Variants in MEOX2 observed in about 807,000 individuals in gnomAD.
MEOX2 encodes mesenchyme homeobox 2, also known as homeobox protein MOX-2.
A neutral mutation model predicts 27.0 loss-of-function variants in MEOX2; 11 were observed. That is an observed-to-expected ratio of 0.41 (90% confidence interval 0.26 to 0.68). The LOEUF (loss-of-function observed/expected upper bound fraction) is 0.68, where lower values mean the gene tolerates loss of function less well. MEOX2 is among the 30% of genes least tolerant of loss of function. The pLI is 0.33. For missense variants in MEOX2, 436 were observed against 385.4 expected, an observed-to-expected ratio of 1.13 and a Z score of -1.10; for synonymous variants, 189 against 155.4, an observed-to-expected ratio of 1.22 and a Z score of -1.61.
At chr7:15,658,363 G>T (rs992942644) in intron 1 of MEOX2, among the ~76,000 whole-genome samples, 3 of 152,136 alleles carry the variant, frequency 2.0e-5, no homozygotes. Context: ...TTTTTCCTAC[G>T]GTGTTTGACT....
At chr7:15,663,948 C>T (rs1781957053) in intron 1 of MEOX2, among the ~76,000 whole-genome samples, 1 of 152,088 alleles carries the variant, frequency 6.6e-6, no homozygotes, top group African/African-American at 2.4e-5. Flanking sequence ...GATAGACAGA[C>T]AGATAGATGA....
At chr7:15,642,727 T>C (rs577378690) in intron 1 of MEOX2, among the ~76,000 whole-genome samples, 19 of 152,356 alleles carry the variant, frequency 1.2e-4, no homozygotes, top group African/African-American at 4.1e-4. Context: ...CCTTCTTATC[T>C]GCAGAAGCTA....
At chr7:15,612,711 G>A in intron 2 of MEOX2, 100 bp from the exon 3 acceptor site, 1 of 915,502 alleles carries the variant, frequency 1.1e-6, no homozygotes, top group Non-Finnish European at 1.7e-6. Context: ...TTCCTCAAAG[G>A]CTTATACAAA....
intron 2 of MEOX2, among the ~76,000 whole-genome samples, chr7:15,618,152 A>T (rs1315377847): frequency 6.6e-6 from 1 of 151,950 alleles, no homozygotes; most frequent in Non-Finnish European, 1.5e-5. Context: ...GTTTTCCTTT[A>T]TACCTGGTAA....
In MEOX2 at chr7:15,685,598, A is replaced by G. The variant is rs557459383; in HGVS notation, c.517+288T>C. Among the ~76,000 whole-genome samples, 31 of 152,172 alleles carry G rather than the reference A, an allele frequency of 2.0e-4. 1 individual carries two copies. Among genetic ancestry groups the G allele is most frequent in the South Asian group, 4.1e-4 (2 of 4,826 alleles). ...CTGGGATGGAAGGTCACGCTTCACA[A>G]TCGATTTCACAGCCACTTGTCCTTT... On this transcript the variant is annotated intron_variant, in intron 1 of 2. Transcript: ENST00000262041.
chr7:15,655,081 A>T (rs905237461), intron 1 of MEOX2, among the ~76,000 whole-genome samples: 5 of 151,574 alleles, frequency 3.3e-5, no homozygotes, highest in South Asian at 2.1e-4. Flanking sequence ...CTATTCAAAA[A>T]TTTTTTTCAT....
chr7:15,617,269 C>A (rs1186083258), intron 2 of MEOX2, among the ~76,000 whole-genome samples: 1 of 151,982 alleles, frequency 6.6e-6, no homozygotes, highest in Non-Finnish European at 1.5e-5. Context: ...TTTATCTGGG[C>A]ACTTGGAATA....
At chr7:15,683,373 T>A (rs1266202593) in intron 1 of MEOX2, among the ~76,000 whole-genome samples, 2 of 152,066 alleles carry the variant, frequency 1.3e-5, no homozygotes, top group African/African-American at 4.8e-5. Flanking sequence ...TCTCACTATA[T>A]AGGATGACAT....
intron 1 of MEOX2, among the ~76,000 whole-genome samples, chr7:15,682,453 T>C (rs1391731702): frequency 2.6e-5 from 4 of 151,936 alleles, no homozygotes; most frequent in Non-Finnish European, 4.4e-5. Flanking sequence ...TTTTATGACA[T>C]AGTAGCTATA....
intron 1 of MEOX2, among the ~76,000 whole-genome samples, chr7:15,678,313 C>A (rs553822457): frequency 2.0e-5 from 3 of 152,286 alleles, no homozygotes; most frequent in Admixed American, 6.5e-5. Context: ...CCAACCTATG[C>A]AGTGAGTGCT....
chr7:15,677,581 G>T (rs897880051), intron 1 of MEOX2: 1 of 152,234 alleles, frequency 6.6e-6, no homozygotes, highest in Non-Finnish European at 1.5e-5. Flanking sequence ...GACATGAGCT[G>T]CAATCCTCCA....
chr7:15,669,364 C>G (rs1351365892), intron 1 of MEOX2, among the ~76,000 whole-genome samples: 2 of 152,216 alleles, frequency 1.3e-5, no homozygotes, highest in Admixed American at 1.3e-4. Flanking sequence ...TCTAAGATAT[C>G]CTGATTGCAA....
intron 1 of MEOX2, among the ~76,000 whole-genome samples, chr7:15,656,358 A>T (rs1023939138): frequency 1.3e-5 from 2 of 151,532 alleles, no homozygotes; most frequent in African/African-American, 4.8e-5. Flanking sequence ...AACACTTAAT[A>T]TAATTATTGT....
At chr7:15,627,131 G>C (rs1168426758) in intron 1 of MEOX2, among the ~76,000 whole-genome samples, 8 of 151,678 alleles carry the variant, frequency 5.3e-5, no homozygotes, top group Non-Finnish European at 7.4e-5. Context: ...CAGTCCATTT[G>C]GGAAAGCATG....
At chr7:15,613,936 T>A (rs766516609) in intron 2 of MEOX2, among the ~76,000 whole-genome samples, 169 of 152,200 alleles carry the variant, frequency 1.1e-3, no homozygotes, top group Non-Finnish European at 2.0e-3. Context: ...AGACTGCAGT[T>A]ATATGGCTGC....
chr7:15,681,847 C>T (rs1782296362), intron 1 of MEOX2: 1 of 151,744 alleles, frequency 6.6e-6, no homozygotes, highest in Admixed American at 6.6e-5. Context: ...CCATGCCTTG[C>T]ATTTATGATT....
intron 1 of MEOX2, among the ~76,000 whole-genome samples, chr7:15,644,628 T>C (rs1781615293): frequency 6.6e-6 from 1 of 152,168 alleles, no homozygotes; most frequent in Non-Finnish European, 1.5e-5. Context: ...GGAGGTGCTC[T>C]GGACATGATT....
rs370166690 is a variant in MEOX2, at chr7:15,626,921, G to GA, written c.518-4dup. 207 of 1,600,076 alleles carry GA rather than the reference G, an allele frequency of 1.3e-4. No individual in the cohort carries two copies. The African/African-American group carries it at 1.4e-3, about 11-fold the overall frequency. ...CTTGTAATTTCCTTCCTGGGAGTCT[G>GA]AAAAAAAAGGGAGACAGAATTGGTA... On this transcript the variant is annotated splice_polypyrimidine_tract_variant and splice_region_variant and intron_variant, in intron 1 of 2. Coordinates refer to ENST00000262041, the MANE Select transcript of MEOX2 (RefSeq NM_005924.5).
chr7:15,671,153 C>G (rs1782089647), intron 1 of MEOX2, among the ~76,000 whole-genome samples: 1 of 152,058 alleles, frequency 6.6e-6, no homozygotes. Flanking sequence ...CAGCTCCATT[C>G]TAGATGAACT....
Sources: gnomAD v4.1 joint callset for allele counts (sites outside exome capture counted in the v4.1 genomes callset) on GRCh38, gnomAD v4.1.1 for gene constraint, MANE v1.5 for transcripts, NCBI Gene and HGNC (gene_info 2026-07-23, HGNC 2026-07-21) for gene names.